Variants in ABI3BP observed in about 807,000 individuals in gnomAD.
ABI3BP encodes ABI family member 3 binding protein, also known as target of Nesh-SH3.
Under a neutral mutation model 268.6 loss-of-function variants are expected in ABI3BP, and 216 were observed. The observed-to-expected ratio is 0.80, with a 90% confidence interval of 0.72 to 0.90. ABI3BP has a LOEUF of 0.90. Ranked by LOEUF, ABI3BP falls within the 40% of genes least tolerant of loss-of-function variation. ABI3BP has a pLI of 0.00. For synonymous variants in ABI3BP, 730 were observed against 730.0 expected (o/e 1.00, Z 0.00); for missense variants, 2,090 against 2,182.4 (o/e 0.96, Z 0.84).
chr3:100,966,663 T>C (rs1206260754), intron 1 of ABI3BP, among the ~76,000 whole-genome samples: 1 of 152,248 alleles, frequency 6.6e-6, no homozygotes, highest in Non-Finnish European at 1.5e-5. Context: ...CAGCAAAGAT[T>C]AAATTATAGG....
At chr3:100,896,007 C>T (rs990109006) in intron 4 of ABI3BP, among the ~76,000 whole-genome samples, 3 of 152,164 alleles carry the variant, frequency 2.0e-5, no homozygotes, top group African/African-American at 4.8e-5. Flanking sequence ...ATGAAATTTA[C>T]TAGTACTCCA....
chr3:100,761,463 C>T (rs2095942959), intron 63 of ABI3BP, among the ~76,000 whole-genome samples: 1 of 152,182 alleles, frequency 6.6e-6, no homozygotes, highest in Non-Finnish European at 1.5e-5. Context: ...TTTGGAGCTG[C>T]ACCCATGTGG....
intron 63 of ABI3BP, among the ~76,000 whole-genome samples, chr3:100,759,899 G>A (rs1477035294): frequency 6.6e-6 from 1 of 152,168 alleles, no homozygotes; most frequent in Non-Finnish European, 1.5e-5. Context: ...CATAAGAAGA[G>A]ATGTTGAGAA....
At chr3:100,893,857 C>T (rs562694404) in intron 4 of ABI3BP, among the ~76,000 whole-genome samples, 3 of 152,118 alleles carry the variant, frequency 2.0e-5, no homozygotes, top group Admixed American at 6.5e-5. Flanking sequence ...AAGGCTTAGA[C>T]GACATGGGAA....
chr3:100,934,458 T>C (rs1224828228), intron 1 of ABI3BP, among the ~76,000 whole-genome samples: 4 of 152,198 alleles, frequency 2.6e-5, no homozygotes, highest in African/African-American at 4.8e-5. Flanking sequence ...TGTATGTGTC[T>C]TTATAGTAGA....
chr3:100,830,644 A>T lies in ABI3BP; in HGVS notation c.2402-10T>A. ...AGGATTGTGGCAGGAACTGATCAAA[A>T]GTAATAAAAGAAACCAAAGAGATTT... On this transcript the variant is annotated splice_polypyrimidine_tract_variant and intron_variant, in intron 31 of 67. Transcript: ENST00000471714. The T allele has an allele frequency of 6.6e-7, 1 of 1,523,942 alleles. No homozygotes were observed. The highest frequency in any genetic ancestry group is 8.8e-7 in the Non-Finnish European group (1 of 1,139,334). 94.4% of individuals were successfully genotyped at this position (1,523,942 alleles called of 1,614,324 possible).
intron 2 of ABI3BP, among the ~76,000 whole-genome samples, chr3:100,904,709 A>G (rs2052390773): frequency 1.3e-5 from 2 of 152,206 alleles, no homozygotes; most frequent in African/African-American, 4.8e-5. Context: ...AACCACAATG[A>G]GATACCATCT....
intron 1 of ABI3BP, among the ~76,000 whole-genome samples, chr3:100,980,700 G>T (rs937420993): frequency 3.3e-5 from 5 of 152,108 alleles, no homozygotes; most frequent in African/African-American, 1.2e-4. Flanking sequence ...AAAGAAAGAG[G>T]TTTATATGTT....
chr3:100,924,365 G>A (rs1378232720), intron 2 of ABI3BP, among the ~76,000 whole-genome samples: 2 of 151,912 alleles, frequency 1.3e-5, no homozygotes, highest in African/African-American at 4.8e-5. Context: ...GGTATAAAAT[G>A]GTATTATAGA....
In ABI3BP at chr3:100,796,455, C is replaced by A. The variant is rs1376016857; in HGVS notation, c.3771G>T (p.Val1257=). ...VSYTTPAPKD[V]LLPHKPYPEV... Reference sequence around the variant, plus strand: ...CAGGGTATGGTTTATGAGGAAGGAGCACATCTTTTGGAGCTGAAAGAAAAA... The same window carrying A: ...CAGGGTATGGTTTATGAGGAAGGAGAACATCTTTTGGAGCTGAAAGAAAAA... The change falls in exon 52 of 68, where the codon GTG becomes GTT. Residue 1257 remains valine (V), a synonymous_variant. Coordinates refer to ENST00000471714, the MANE Select transcript of ABI3BP (RefSeq NM_001375547.2). 1 of 1,601,796 alleles carries A rather than the reference C, an allele frequency of 6.2e-7. No individual in the cohort carries two copies. Among genetic ancestry groups the A allele is most frequent in the Non-Finnish European group, 8.5e-7 (1 of 1,173,910 alleles).
chr3:100,814,669 T>C (rs1055835253), intron 44 of ABI3BP, among the ~76,000 whole-genome samples: 8 of 152,172 alleles, frequency 5.3e-5, no homozygotes, highest in Non-Finnish European at 7.4e-5. Context: ...TCCTTTCTTT[T>C]GGTTTCTACC....
intron 2 of ABI3BP, among the ~76,000 whole-genome samples, chr3:100,923,202 G>A (rs2060823901): frequency 6.6e-6 from 1 of 152,172 alleles, no homozygotes; most frequent in Admixed American, 6.5e-5. Context: ...GAGATGCACA[G>A]TGACCTATTT....
Position 100,830,583 on chromosome 3 carries a change from G to A in ABI3BP, c.2453C>T (p.Thr818Ile). Residue 818 changes from threonine to isoleucine, a missense_variant, in exon 32 of 68, where the codon ACA (threonine) becomes ATA (isoleucine). Thr to Ile is a moderately conservative substitution (Grantham distance 89). Coordinates refer to ENST00000471714, the MANE Select transcript of ABI3BP (RefSeq NM_001375547.2). ...PVLRTEASGTTAAPKVPQRTH... is the reference protein window; with the variant it reads ...PVLRTEASGTIAAPKVPQRTH... ...TGGACATAATGTGCCATTACCTGCT[G>A]TTGTCCCTGAAGCCTCAGTTCTAAG... 1.3e-6 allele frequency: 2 copies of A among 1,534,050 alleles called. No homozygotes were observed. Among genetic ancestry groups the A allele is most frequent in the Non-Finnish European group, 1.7e-6 (2 of 1,145,602 alleles).
intron 15 of ABI3BP, among the ~76,000 whole-genome samples, chr3:100,851,515 G>T (rs1349690219): frequency 1.3e-5 from 2 of 152,138 alleles, no homozygotes; most frequent in Non-Finnish European, 2.9e-5. Flanking sequence ...CCTGGGGAAG[G>T]TATGGGAGTT....
intron 57 of ABI3BP, among the ~76,000 whole-genome samples, chr3:100,781,425 T>G (rs2096859808): frequency 1.3e-5 from 2 of 152,322 alleles, no homozygotes; most frequent in Admixed American, 6.5e-5. Flanking sequence ...AATCATGAAT[T>G]AAACTTATTT....
At position 100,823,119 on chromosome 3, in the gene ABI3BP, T is replaced by C. The variant is rs140287206; in HGVS notation, c.2803+339A>G. 2.7e-3 allele frequency among the ~76,000 whole-genome samples: 406 copies of C among 152,268 alleles called. 2 individuals carry two copies. Among genetic ancestry groups the C allele is most frequent in the Non-Finnish European group, 4.6e-3 (314 of 68,018 alleles). The stretch of plus-strand genomic sequence containing the variant: ...AGAAAAAAGGGTAAAAATTCAGATG[T>C]ACAATGGGTTCTCTGGCTTTATGAG... On this transcript the variant is annotated intron_variant, in intron 37 of 67. Coordinates refer to ENST00000471714, the MANE Select transcript of ABI3BP (RefSeq NM_001375547.2).
intron 51 of ABI3BP, 99 bp from the exon 52 acceptor site, chr3:100,796,567 CA>C: frequency 2.3e-6 from 2 of 877,694 alleles, no homozygotes; most frequent in South Asian, 2.2e-5. Context: ...ATGAATGAAG[CA>C]AAAGTATTTT....
At chr3:100,846,925 A>G (rs1278194349) in intron 19 of ABI3BP, among the ~76,000 whole-genome samples, 1 of 152,204 alleles carries the variant, frequency 6.6e-6, no homozygotes, top group Non-Finnish European at 1.5e-5. Flanking sequence ...TGCACCTATC[A>G]ACCCCTCACC....
At chr3:100,789,655 T>G in intron 55 of ABI3BP, 139 bp from the exon 56 acceptor site, 1 of 709,982 alleles carries the variant, frequency 1.4e-6, no homozygotes, top group Non-Finnish European at 2.3e-6. Context: ...CATTATGCAT[T>G]ATAGACTTCA....
Sources: allele counts gnomAD v4.1 joint callset (sites outside exome capture counted in the v4.1 genomes callset), GRCh38; gene constraint gnomAD v4.1.1; transcripts MANE v1.5; gene names NCBI Gene and HGNC (gene_info 2026-07-23, HGNC 2026-07-21).